The following OXCT1 variants were observed in gnomAD, a reference collection of about 807,000 sequenced individuals.
OXCT1 encodes the protein 3-oxoacid CoA-transferase 1.
In OXCT1, 27 loss-of-function variants were observed where a neutral mutation model predicts 69.6. That is an observed-to-expected ratio of 0.39 (90% CI 0.29 to 0.54). OXCT1 has a LOEUF of 0.54. Ranked by LOEUF, OXCT1 falls within the 20% of genes least tolerant of loss-of-function variation. The probability of loss-of-function intolerance (pLI) is 0.72; values close to 1 mark genes in which losing one functional copy is unlikely to be tolerated. For missense variants in OXCT1, 437 were observed against 650.2 expected (o/e 0.67, Z 3.57); for synonymous variants, 202 against 217.8 (o/e 0.93, Z 0.64).
At chr5:41,793,385 C>G (rs1055875283) in intron 13 of OXCT1, among the ~76,000 whole-genome samples, 3 of 152,204 alleles carry the variant, frequency 2.0e-5, no homozygotes, top group Non-Finnish European at 4.4e-5. Flanking sequence ...GAACTACACT[C>G]ATGAATTAAG....
rs73750416 is a variant in OXCT1 at position 41,867,101 on chromosome 5, T to C, written c.78+3180A>G. Among the ~76,000 whole-genome samples the C allele has an allele frequency of 9.9e-3, 1,502 of 152,248 alleles. 10 individuals are homozygous for C. Among genetic ancestry groups the C allele is most frequent in the Middle Eastern group, 0.031 (9 of 294 alleles). On this transcript the variant is annotated intron_variant, in intron 1 of 16. Coordinates refer to ENST00000196371, the MANE Select transcript of OXCT1 (RefSeq NM_000436.4). The stretch of plus-strand genomic sequence containing the variant: ...TTTCTTTTTAATTTTTTTATTTCCA[T>C]AGGTTTTTGGGGAACAAGTAGTATT...
chr5:41,820,708 A>G (rs533900543), intron 7 of OXCT1, among the ~76,000 whole-genome samples: 2 of 152,296 alleles, frequency 1.3e-5, no homozygotes, highest in Admixed American at 6.5e-5. Context: ...TCTTTGTTCC[A>G]TGCAGAAAGT....
At chr5:41,865,773 T>C (rs544431539) in intron 1 of OXCT1, among the ~76,000 whole-genome samples, 5 of 152,298 alleles carry the variant, frequency 3.3e-5, no homozygotes, top group African/African-American at 1.2e-4. Flanking sequence ...AATTGTTTTC[T>C]AGGAATGTAG....
intron 13 of OXCT1, among the ~76,000 whole-genome samples, chr5:41,772,036 C>T (rs1304667978): frequency 6.6e-6 from 1 of 152,064 alleles, no homozygotes; most frequent in Non-Finnish European, 1.5e-5. Context: ...AAATAGGAAA[C>T]TAAAATACAA....
chr5:41,814,645 T>C (rs970888398), intron 7 of OXCT1, among the ~76,000 whole-genome samples: 3 of 145,876 alleles, frequency 2.1e-5, no homozygotes, highest in African/African-American at 7.6e-5. Flanking sequence ...AAACACCGCA[T>C]ATTCTCACTC....
intron 15 of OXCT1, among the ~76,000 whole-genome samples, chr5:41,748,175 A>G (rs940903914): frequency 6.6e-6 from 1 of 152,092 alleles, no homozygotes; most frequent in Non-Finnish European, 1.5e-5. Context: ...GTTGTGTGCT[A>G]TGATGGTGCA....
chr5:41,794,795 T>A, intron 11 of OXCT1, 46 bp from the exon 12 acceptor site: 1 of 1,592,666 alleles, frequency 6.3e-7, no homozygotes, highest in Non-Finnish European at 8.6e-7. Context: ...ATTAGATTTC[T>A]AAGAGTATCA....
intron 7 of OXCT1, among the ~76,000 whole-genome samples, chr5:41,818,482 C>G (rs965857306): frequency 3.3e-5 from 5 of 152,070 alleles, no homozygotes; most frequent in African/African-American, 9.7e-5. Context: ...ATGGTAATAG[C>G]TAACTGAACA....
intron 7 of OXCT1, among the ~76,000 whole-genome samples, chr5:41,833,567 T>C (rs1210343215): frequency 6.9e-6 from 1 of 145,078 alleles, no homozygotes; most frequent in African/African-American, 2.5e-5. Context: ...CAAGAAATCA[T>C]CTGAAGATAC....
chr5:41,814,990 C>T lies in OXCT1; in HGVS notation c.733-7552G>A, dbSNP rs145199280. ...TATCTCATTACAAAACAAAAACAGTCCTTCCTCTCTACAATGTCTCATTGT... is the reference window on the plus strand; with the variant it reads ...TATCTCATTACAAAACAAAAACAGTTCTTCCTCTCTACAATGTCTCATTGT... On this transcript the variant is annotated intron_variant, in intron 7 of 16. Transcript: ENST00000196371. Among the ~76,000 whole-genome samples, 290 of 152,218 alleles carry T rather than the reference C, an allele frequency of 1.9e-3. 1 individual carries two copies. The highest frequency in any genetic ancestry group is 6.7e-3 in the African/African-American group (277 of 41,548).
At chr5:41,839,024 C>T (rs1748505743) in intron 7 of OXCT1, among the ~76,000 whole-genome samples, 1 of 152,110 alleles carries the variant, frequency 6.6e-6, no homozygotes. Flanking sequence ...TCTCGGCCTA[C>T]CAGGAAAGCA....
chr5:41,864,755 T>C (rs1749887233), intron 1 of OXCT1, among the ~76,000 whole-genome samples: 1 of 152,200 alleles, frequency 6.6e-6, no homozygotes, highest in Non-Finnish European at 1.5e-5. Context: ...TACAATATGC[T>C]TCTCTCCATG....
rs115581934 is a variant in OXCT1 at position 41,813,501 on chromosome 5, C to G, written c.733-6063G>C. On this transcript the variant is annotated intron_variant, in intron 7 of 16. Transcript: ENST00000196371. ...TCCACAGACATCTGTCCACTCCCAT[C>G]CCCTAGCTCCAGCCTAGACCCCTGC... is the stretch of plus-strand genomic sequence containing the variant. Among the ~76,000 whole-genome samples the G allele has an allele frequency of 4.9e-3, 745 of 152,176 alleles. 8 individuals are homozygous for G. Among genetic ancestry groups the G allele is most frequent in the African/African-American group, 0.017 (698 of 41,540 alleles).
At chr5:41,820,249 A>G (rs72746956) in intron 7 of OXCT1, among the ~76,000 whole-genome samples, 1 of 152,330 alleles carries the variant, frequency 6.6e-6, no homozygotes, top group Non-Finnish European at 1.5e-5. Context: ...CAAGTTATCA[A>G]GTGTTTAAAG....
At chr5:41,807,161 G>A (rs927032513) in intron 8 of OXCT1, among the ~76,000 whole-genome samples, 170 bp downstream of exon 8, 3 of 151,996 alleles carry the variant, frequency 2.0e-5, no homozygotes, top group Non-Finnish European at 2.9e-5. Context: ...CCTGCACAGA[G>A]GCATAGACCA....
intron 9 of OXCT1, among the ~76,000 whole-genome samples, chr5:41,805,181 T>C (rs556299037): frequency 1.3e-5 from 2 of 152,150 alleles, no homozygotes; most frequent in African/African-American, 2.4e-5. Flanking sequence ...TCAATGAGTA[T>C]GCAAATGTCA....
At position 41,782,887 on chromosome 5, in the gene OXCT1, T is replaced by C. The variant is rs576029248; in HGVS notation, c.1248+11116A>G. Among the ~76,000 whole-genome samples, 379 of 152,334 alleles carry C rather than the reference T, an allele frequency of 2.5e-3. 1 individual carries two copies. Among genetic ancestry groups the C allele is most frequent in the Non-Finnish European group, 4.6e-3 (310 of 68,014 alleles). On this transcript the variant is annotated intron_variant, in intron 13 of 16. Transcript: ENST00000196371. ...ATTGGCTTAGCTACTAATTAGAGTTTTGCAGCCTGAGCTGAGTCACTTCAT... is the reference window on the plus strand; with the variant it reads ...ATTGGCTTAGCTACTAATTAGAGTTCTGCAGCCTGAGCTGAGTCACTTCAT...
intron 16 of OXCT1, among the ~76,000 whole-genome samples, chr5:41,732,295 A>T (rs1742672783): frequency 6.6e-6 from 1 of 152,246 alleles, no homozygotes; most frequent in Non-Finnish European, 1.5e-5. Context: ...AATAGAAATG[A>T]TACAAAGGCA....
chr5:41,837,196 C>A (rs1268395953), intron 7 of OXCT1, among the ~76,000 whole-genome samples: 1 of 151,570 alleles, frequency 6.6e-6, no homozygotes, highest in Non-Finnish European at 1.5e-5. Flanking sequence ...TGAGAAGATG[C>A]AGCATTGTGG....
Sources: gnomAD v4.1 joint callset for allele counts (sites outside exome capture counted in the v4.1 genomes callset) on GRCh38, gnomAD v4.1.1 for gene constraint, MANE v1.5 for transcripts, NCBI Gene and HGNC (gene_info 2026-07-23, HGNC 2026-07-21) for gene names.